Variants in LHFPL3 observed in about 807,000 individuals in gnomAD.
LHFPL3 encodes LHFPL tetraspan subfamily member 3 protein.
LHFPL3 carries 5 observed loss-of-function variants against 19.3 expected under a neutral mutation model. The ratio of observed to expected loss-of-function variants is 0.26; its 90% CI spans 0.14 to 0.54. LHFPL3 has a LOEUF of 0.54. LHFPL3 is among the 20% of genes least tolerant of loss of function. The pLI is 0.94. For missense variants in LHFPL3, 249 were observed against 307.4 expected, an observed-to-expected ratio of 0.81 and a Z score of 1.42; for synonymous variants, 133 against 126.2, an observed-to-expected ratio of 1.05 and a Z score of -0.36.
At chr7:104,634,507 T>C (rs1271586502) in intron 1 of LHFPL3, among the ~76,000 whole-genome samples, 2 of 152,174 alleles carry the variant, frequency 1.3e-5, no homozygotes, top group East Asian at 1.9e-4. Context: ...CTTCAACATA[T>C]ACATTTTGGG....
intron 2 of LHFPL3, among the ~76,000 whole-genome samples, chr7:104,887,802 T>C (rs1430949614): frequency 1.3e-5 from 2 of 152,220 alleles, no homozygotes; most frequent in Non-Finnish European, 2.9e-5. Context: ...AAAGGAAGAA[T>C]GCTGGAAAGA....
At chr7:104,714,945 ATATT>A (rs752539228) in intron 1 of LHFPL3, among the ~76,000 whole-genome samples, 8 of 152,160 alleles carry the variant, frequency 5.3e-5, no homozygotes, top group African/African-American at 9.7e-5. Flanking sequence ...ATACATATCT[ATATT>A]TATAGGTACA....
intron 2 of LHFPL3, among the ~76,000 whole-genome samples, chr7:104,831,089 A>G (rs1214991010): frequency 6.6e-6 from 1 of 151,990 alleles, no homozygotes; most frequent in African/African-American, 2.4e-5. Context: ...TGTTTTTCCT[A>G]TAACTCATAA....
chr7:104,771,862 G>A (rs548545867), intron 2 of LHFPL3, among the ~76,000 whole-genome samples: 10 of 115,626 alleles, frequency 8.6e-5, no homozygotes, highest in South Asian at 3.0e-4. Context: ...TCGCTCTGTC[G>A]CCAGGCTGGA....
At chr7:104,539,189 C>T (rs1794441690) in intron 1 of LHFPL3, among the ~76,000 whole-genome samples, 1 of 152,114 alleles carries the variant, frequency 6.6e-6, no homozygotes, top group African/African-American at 2.4e-5. Context: ...TTATCTTAAG[C>T]CACTAGGTAT....
intron 1 of LHFPL3, among the ~76,000 whole-genome samples, chr7:104,445,957 G>C (rs1396008273): frequency 6.6e-6 from 1 of 152,026 alleles, no homozygotes; most frequent in Non-Finnish European, 1.5e-5. Context: ...TCTTCTACTG[G>C]GGTTGCTAAT....
At chr7:104,670,138 C>CTT (rs71155516) in intron 1 of LHFPL3, among the ~76,000 whole-genome samples, 80 of 140,562 alleles carry the variant, frequency 5.7e-4, no homozygotes, top group Admixed American at 1.3e-3. Context: ...GAGGGAATTC[C>CTT]TTTTTTTTTT....
chr7:104,722,110 T>G (rs934903735), intron 1 of LHFPL3, among the ~76,000 whole-genome samples: 1 of 152,162 alleles, frequency 6.6e-6, no homozygotes, highest in African/African-American at 2.4e-5. Flanking sequence ...CTGAAACATA[T>G]TTCAATATGT....
At chr7:104,628,481 T>A (rs549971070) in intron 1 of LHFPL3, among the ~76,000 whole-genome samples, 1 of 152,198 alleles carries the variant, frequency 6.6e-6, no homozygotes, top group Non-Finnish European at 1.5e-5. Flanking sequence ...TCTGATGATG[T>A]ACTAAGAATC....
intron 1 of LHFPL3, among the ~76,000 whole-genome samples, chr7:104,627,139 C>T (rs912888235): frequency 2.0e-5 from 3 of 152,076 alleles, no homozygotes; most frequent in African/African-American, 4.8e-5. Flanking sequence ...AGTTCCCACC[C>T]CCGGGCCCTG....
At chr7:104,821,348 C>T (rs1790673247) in intron 2 of LHFPL3, among the ~76,000 whole-genome samples, 1 of 152,184 alleles carries the variant, frequency 6.6e-6, no homozygotes, top group Non-Finnish European at 1.5e-5. Context: ...TCTGCCTCTG[C>T]TGAGGAGAGG....
At chr7:104,430,452 ATATTTTTTTTTTTTTTT>A (rs1791976810) in intron 1 of LHFPL3, among the ~76,000 whole-genome samples, 4 of 19,344 alleles carry the variant, frequency 2.1e-4, no homozygotes, top group African/African-American at 1.2e-3. Context: ...ATATATATAT[ATATTTTTTTTTTTTTTT>A]TTTTTTTTTT....
intron 2 of LHFPL3, among the ~76,000 whole-genome samples, chr7:104,753,952 C>A (rs1353458904): frequency 1.3e-5 from 2 of 152,156 alleles, no homozygotes; most frequent in Admixed American, 6.6e-5. Flanking sequence ...GCAATTTAGT[C>A]CAACAGATAA....
rs767878148 is a variant in LHFPL3, at chr7:104,638,990, C to T, written c.446-97685C>T. 6.6e-5 allele frequency among the ~76,000 whole-genome samples: 10 copies of T among 151,998 alleles called. No homozygotes were observed. The South Asian group carries it at 2.1e-3, about 32-fold the overall frequency. ...ATGTTGCCCAGGGTGGTCTCAAACT[C>T]CTGAGCTCAAGTGATCCTCCCCACT... On this transcript the variant is annotated intron_variant, in intron 1 of 2. Transcript: ENST00000424859.
At chr7:104,759,554 GCT>G (rs1287573282) in intron 2 of LHFPL3, 2 of 152,016 alleles carry the variant, frequency 1.3e-5, no homozygotes, top group African/African-American at 2.4e-5. Context: ...CATTTCCAGT[GCT>G]CAATGGTCAC....
chr7:104,448,155 A>T (rs534555058), intron 1 of LHFPL3, among the ~76,000 whole-genome samples: 1 of 152,316 alleles, frequency 6.6e-6, no homozygotes, highest in South Asian at 2.1e-4. Flanking sequence ...TATCATTAAT[A>T]TCAATAGTTA....
At chr7:104,406,918 T>G (rs1427027902) in intron 1 of LHFPL3, among the ~76,000 whole-genome samples, 1 of 152,212 alleles carries the variant, frequency 6.6e-6, no homozygotes, top group African/African-American at 2.4e-5. Context: ...ATAACTTATC[T>G]CTTTGGTCAT....
rs1013423366 is a variant in LHFPL3 at position 104,906,965 on chromosome 7, A to G, written c.*750A>G. ...ATCTTTACATCATAGGTTCCCAAGC[A>G]ACATAGATTTCCCTATCTTTCAGGA... On this transcript the variant is annotated 3_prime_UTR_variant, in exon 3 of 3. Transcript: ENST00000424859. 2 of 152,658 alleles carry G rather than the reference A, an allele frequency of 1.3e-5. No homozygotes were observed. Among genetic ancestry groups the G allele is most frequent in the Admixed American group, 6.5e-5 (1 of 15,270 alleles). The allele number at this position is 152,658 out of a possible 1,614,324, so 9.5% of individuals were successfully genotyped here.
In LHFPL3 at chr7:104,824,333, AAT is replaced by A. The variant is rs1376420496; in HGVS notation, c.683-81846_683-81845del. Among the ~76,000 whole-genome samples, 12 of 37,600 alleles carry A rather than the reference AAT, an allele frequency of 3.2e-4. No homozygotes were observed. In the East Asian group the frequency reaches 9.2e-3, roughly 29 times the overall value. 24.7% of individuals were successfully genotyped at this position (37,600 alleles called of 152,430 possible). ...TAATTATATATATTATTTTATATAT[AAT>A]ATATATAATTATAGATAATATATAA... is the stretch of plus-strand genomic sequence containing the variant. On this transcript the variant is annotated intron_variant, in intron 2 of 2. Transcript: ENST00000424859.
Sources: allele counts gnomAD v4.1 joint callset (sites outside exome capture counted in the v4.1 genomes callset), GRCh38; gene constraint gnomAD v4.1.1; transcripts MANE v1.5; gene names NCBI Gene and HGNC (gene_info 2026-07-23, HGNC 2026-07-21).